Variants in B2M observed in about 807,000 individuals in gnomAD.
The protein encoded by B2M is beta-2-microglobulin, also known as beta chain of MHC class I molecules.
Under a neutral mutation model 14.5 loss-of-function variants are expected in B2M, and 3 were observed. The observed-to-expected ratio is 0.21, with a 90% CI of 0.09 to 0.53. The LOEUF is 0.53. B2M is among the 20% of genes least tolerant of loss of function. B2M has a pLI of 0.95. For missense variants in B2M, 107 were observed against 140.8 expected, an observed-to-expected ratio of 0.76 and a Z score of 1.21; for synonymous variants, 45 against 52.7, an observed-to-expected ratio of 0.85 and a Z score of 0.64.
chr15:44,714,811 C>A (rs2086923346), intron 1 of B2M: 1 of 156,632 alleles, frequency 6.4e-6, no homozygotes, highest in African/African-American at 2.4e-5. Context: ...ATAATAACAT[C>A]TGCCACGTAT....
chr15:44,713,197 C>T (rs966039766), intron 1 of B2M: 1 of 151,910 alleles, frequency 6.6e-6, no homozygotes, highest in African/African-American at 2.4e-5. Context: ...AAAACATGAT[C>T]GAAAGCAGAA....
intron 1 of B2M, 106 bp from the exon 2 acceptor site, chr15:44,715,317 C>T (rs903184970): frequency 1.2e-5 from 16 of 1,344,734 alleles, no homozygotes; most frequent in East Asian, 2.3e-5. Context: ...TGGGAGAAAT[C>T]GATGACCAAA....
At chr15:44,711,654 C>T (rs1269978698) in intron 1 of B2M, 41 bp downstream of exon 1, 7 of 1,583,472 alleles carry the variant, frequency 4.4e-6, no homozygotes, top group Non-Finnish European at 6.1e-6. Flanking sequence ...CTTCCTCTCC[C>T]GCTCTGCACC....
rs562751187 is a variant in B2M, at chr15:44,716,231, A to G, written c.347-98A>G. The stretch of plus-strand genomic sequence containing the variant: ...GGTAGGAACAGCAGCCTATTCTGCC[A>G]GCCTTATTTCTAACCATTTTAGACA... On this transcript the variant is annotated intron_variant, in intron 2 of 3. Transcript: ENST00000648006. 1.1e-5 allele frequency: 15 copies of G among 1,410,828 alleles called. No individual in the cohort carries two copies. The African/African-American group carries it at 2.1e-4, about 20-fold the overall frequency. 87.4% of individuals were successfully genotyped at this position (1,410,828 alleles called of 1,614,324 possible). A position where few individuals can be genotyped will look rare whatever the true frequency, so the allele number is the denominator to read the frequency against.
rs745636375 is a variant in B2M at position 44,711,535 on chromosome 15, A to G, written c.-12A>G. Reference sequence around the variant, plus strand: ...GGCGGGCATTCCTGAAGCTGACAGCATTCGGGCCGAGATGTCTCGCTCCGT... The same window carrying G: ...GGCGGGCATTCCTGAAGCTGACAGCGTTCGGGCCGAGATGTCTCGCTCCGT... On this transcript the variant is annotated 5_prime_UTR_variant, in exon 1 of 4. Transcript: ENST00000648006. 3 of 1,613,566 alleles carry G rather than the reference A, an allele frequency of 1.9e-6. No homozygotes were observed. Among genetic ancestry groups the G allele is most frequent in the African/African-American group, 1.3e-5 (1 of 75,004 alleles).
At chr15:44,716,245 C>A (rs954872317) in intron 2 of B2M, 84 bp from the exon 3 acceptor site, 8 of 1,487,848 alleles carry the variant, frequency 5.4e-6, no homozygotes, top group South Asian at 4.5e-5. Flanking sequence ...TTATTTCTAA[C>A]CATTTTAGAC....
intron 1 of B2M, 196 bp from the exon 2 acceptor site, chr15:44,715,227 C>G (rs928842889): frequency 7.6e-6 from 5 of 656,200 alleles, no homozygotes; most frequent in Non-Finnish European, 1.3e-5. Flanking sequence ...GGGAAAGATA[C>G]CAAGTCACGG....
At chr15:44,712,626 T>G (rs1283509155) in intron 1 of B2M, among the ~76,000 whole-genome samples, 3 of 152,254 alleles carry the variant, frequency 2.0e-5, no homozygotes, top group Non-Finnish European at 4.4e-5. Context: ...CCCTGTGGTC[T>G]TTTCGTACAG....
intron 3 of B2M, chr15:44,717,099 A>G (rs370606249): frequency 9.8e-5 from 15 of 152,380 alleles, no homozygotes; most frequent in African/African-American, 3.6e-4. Flanking sequence ...ACTGTTAGTA[A>G]ATTGTAGAGC....
At chr15:44,714,113 C>T (rs1160841124) in intron 1 of B2M, 1 of 152,224 alleles carries the variant, frequency 6.6e-6, no homozygotes, top group Non-Finnish European at 1.5e-5. Context: ...TCATGCCTCT[C>T]ATTTTGGAAA....
chr15:44,714,374 G>A (rs1049460380), intron 1 of B2M: 2 of 152,122 alleles, frequency 1.3e-5, no homozygotes, highest in Admixed American at 1.3e-4. Flanking sequence ...TTGTTTTTTA[G>A]CTCATGAAAT....
At chr15:44,717,129 T>C (rs1320033175) in intron 3 of B2M, 2 of 152,242 alleles carry the variant, frequency 1.3e-5, no homozygotes. Flanking sequence ...AACTCTAATA[T>C]AGTCATGTGT....
intron 1 of B2M, chr15:44,711,971 G>A (rs1358892362): frequency 6.9e-6 from 3 of 435,172 alleles, no homozygotes; most frequent in African/African-American, 4.0e-5. Context: ...CTCCCCCAGC[G>A]CAGCTGGAGT....
At chr15:44,714,943 T>G in intron 1 of B2M, 12 of 196,514 alleles carry the variant, frequency 6.1e-5, no homozygotes, top group South Asian at 1.6e-4. Context: ...AGAAAAAAAA[T>G]GGAAGGGGTG....
At chr15:44,714,893 C>CTCGGTGGTCGCAGTATCATTAAAA in intron 1 of B2M, 1 of 201,292 alleles carries the variant, frequency 5.0e-6, no homozygotes, top group Non-Finnish European at 1.0e-5. Flanking sequence ...GGGTGTAGAT[C>CTCGGTGGTCGCAGTATCATTAAAA]AAGGCAGGAG....
intron 1 of B2M, 40 bp from the exon 2 acceptor site, chr15:44,715,383 C>T: frequency 6.3e-7 from 1 of 1,598,630 alleles, no homozygotes; most frequent in Non-Finnish European, 8.5e-7. Context: ...AAGTGAAATA[C>T]CCTGGCAATA....
intron 1 of B2M, chr15:44,712,918 C>G (rs1819573622): frequency 6.6e-6 from 1 of 150,698 alleles, no homozygotes; most frequent in South Asian, 2.1e-4. Flanking sequence ...GGGAGGATCT[C>G]TTGAGCTTAG....
At chr15:44,714,805 TA>T (rs1293541363) in intron 1 of B2M, 1 of 155,814 alleles carries the variant, frequency 6.4e-6, no homozygotes, top group Non-Finnish European at 1.4e-5. Flanking sequence ...CCTCAGATAA[TA>T]ACATCTGCCA....
chr15:44,715,752 A>T, intron 2 of B2M, 51 bp downstream of exon 2: 3 of 1,606,312 alleles, frequency 1.9e-6, no homozygotes, highest in Non-Finnish European at 2.6e-6. Context: ...ATGAGTAGTC[A>T]TATCATAAAG....
Sources: gnomAD v4.1 joint callset for allele counts (sites outside exome capture counted in the v4.1 genomes callset) on GRCh38, gnomAD v4.1.1 for gene constraint, MANE v1.5 for transcripts, NCBI Gene and HGNC (gene_info 2026-07-23, HGNC 2026-07-21) for gene names.